The following ATG5 variants were observed in gnomAD, a reference collection of about 807,000 sequenced individuals.
ATG5 encodes autophagy protein 5.
A neutral mutation model predicts 36.5 loss-of-function variants in ATG5; 14 were observed. The ratio of observed to expected loss-of-function variants is 0.38; its 90% CI spans 0.25 to 0.60. The LOEUF (loss-of-function observed/expected upper bound fraction) is 0.60. ATG5 is among the 20% of genes least tolerant of loss of function. ATG5 has a pLI of 0.60. For missense variants in ATG5, 195 were observed against 326.7 expected (o/e 0.60, Z 3.11); for synonymous variants, 95 against 101.5 (o/e 0.94, Z 0.38).
intron 3 of ATG5, among the ~76,000 whole-genome samples, chr6:106,294,926 A>G (rs1780481466): frequency 6.6e-6 from 1 of 151,838 alleles, no homozygotes; most frequent in African/African-American, 2.4e-5. Context: ...TCTTATATGC[A>G]TTATATCTCT....
intron 5 of ATG5, among the ~76,000 whole-genome samples, chr6:106,275,987 T>C (rs564872937): frequency 2.4e-4 from 37 of 152,344 alleles, no homozygotes; most frequent in African/African-American, 8.7e-4. Context: ...CAAAAGCAGA[T>C]GGCTGGCCCA....
intron 6 of ATG5, among the ~76,000 whole-genome samples, chr6:106,213,066 T>C (rs923292713): frequency 6.6e-6 from 1 of 152,200 alleles, no homozygotes; most frequent in Admixed American, 6.5e-5. Flanking sequence ...TACTAACATA[T>C]AAGTAGCCTG....
At chr6:106,196,530 C>G (rs1170038059) in intron 7 of ATG5, among the ~76,000 whole-genome samples, 1 of 152,080 alleles carries the variant, frequency 6.6e-6, no homozygotes, top group Non-Finnish European at 1.5e-5. Context: ...TCAAGACCAG[C>G]CTGGCCAACA....
intron 6 of ATG5, among the ~76,000 whole-genome samples, chr6:106,216,295 C>T (rs910932992): frequency 6.6e-6 from 1 of 152,100 alleles, no homozygotes; most frequent in Non-Finnish European, 1.5e-5. Flanking sequence ...AACATTTGTA[C>T]ATAAATATTA....
intron 7 of ATG5, among the ~76,000 whole-genome samples, chr6:106,191,694 T>C (rs1459776162): frequency 6.6e-6 from 1 of 152,064 alleles, no homozygotes; most frequent in Non-Finnish European, 1.5e-5. Flanking sequence ...GTGACTCTTC[T>C]CCACCCCTCT....
At chr6:106,221,598 A>G (rs1335836869) in intron 6 of ATG5, among the ~76,000 whole-genome samples, 9 of 151,576 alleles carry the variant, frequency 5.9e-5, no homozygotes, top group Non-Finnish European at 7.4e-5. Context: ...AGGGAGGAGA[A>G]TCACCAGGGC....
chr6:106,303,175 C>A (rs1377588599), intron 3 of ATG5, among the ~76,000 whole-genome samples: 1 of 151,954 alleles, frequency 6.6e-6, no homozygotes, highest in African/African-American at 2.4e-5. Context: ...AACCACAACA[C>A]TGGCTCTTCA....
chr6:106,192,472 T>TA (rs1260852511), intron 7 of ATG5, among the ~76,000 whole-genome samples: 8 of 152,182 alleles, frequency 5.3e-5, no homozygotes, highest in African/African-American at 1.9e-4. Flanking sequence ...CTTGAGATTC[T>TA]AGTGAGATGC....
chr6:106,187,759 GATA>G (rs1775828611), intron 7 of ATG5, among the ~76,000 whole-genome samples: 1 of 152,154 alleles, frequency 6.6e-6, no homozygotes, highest in South Asian at 2.1e-4. Context: ...GATGTATGGT[GATA>G]ATGACTTGGC....
chr6:106,189,425 C>T (rs901656457), intron 7 of ATG5, among the ~76,000 whole-genome samples: 1 of 151,560 alleles, frequency 6.6e-6, no homozygotes, highest in African/African-American at 2.4e-5. Context: ...GGCAACAGAC[C>T]CCATCTCTAC....
In ATG5 at chr6:106,325,571, G is replaced by C. The variant is rs953366758; in HGVS notation, c.-104C>G. On this transcript the variant is annotated 5_prime_UTR_variant, in exon 1 of 8. Coordinates refer to ENST00000369076, the MANE Select transcript of ATG5 (RefSeq NM_004849.4). ...CTCCTTCCGGCTCCCCGCACTGGTG[G>C]GGACGCCCAGATTCCGCGCTCCGGT... is the stretch of plus-strand genomic sequence containing the variant. The C allele has an allele frequency of 1.3e-5, 2 of 152,988 alleles. No individual in the cohort carries two copies. Among genetic ancestry groups the C allele is most frequent in the African/African-American group, 4.8e-5 (2 of 41,438 alleles). The allele number at this position is 152,988 out of a possible 1,614,324, so 9.5% of individuals were successfully genotyped here.
chr6:106,294,845 G>GAAAAA (rs1219794619), intron 3 of ATG5, among the ~76,000 whole-genome samples: 106 of 85,966 alleles, frequency 1.2e-3, no homozygotes, highest in African/African-American at 3.3e-3. Context: ...CTTTTCTCAA[G>GAAAAA]AAAAAAAAAA....
chr6:106,218,755 T>C (rs571126069), intron 6 of ATG5, among the ~76,000 whole-genome samples: 1 of 152,284 alleles, frequency 6.6e-6, no homozygotes, highest in East Asian at 1.9e-4. Flanking sequence ...TAAACATGTA[T>C]GCAGAGTCAG....
At chr6:106,267,033 T>C (rs1178247055) in intron 5 of ATG5, among the ~76,000 whole-genome samples, 1 of 151,664 alleles carries the variant, frequency 6.6e-6, no homozygotes, top group Non-Finnish European at 1.5e-5. Flanking sequence ...ATAAAGGGTA[T>C]TCAAATAGGA....
chr6:106,218,694 G>A (rs2114418666), intron 6 of ATG5, among the ~76,000 whole-genome samples: 1 of 152,220 alleles, frequency 6.6e-6, no homozygotes, highest in Non-Finnish European at 1.5e-5. Context: ...TATGAATGCT[G>A]CAATACATAA....
intron 4 of ATG5, among the ~76,000 whole-genome samples, chr6:106,284,226 G>C (rs754485642): frequency 1.3e-5 from 2 of 152,148 alleles, no homozygotes; most frequent in African/African-American, 2.4e-5. Flanking sequence ...GTGTAATGTG[G>C]TAAGTATATC....
chr6:106,194,663 A>C (rs2284194), intron 7 of ATG5, among the ~76,000 whole-genome samples: 1 of 151,530 alleles, frequency 6.6e-6, no homozygotes, highest in Admixed American at 6.6e-5. Flanking sequence ...TCAGCCTCCC[A>C]AGTAGCTGGG....
intron 6 of ATG5, among the ~76,000 whole-genome samples, chr6:106,233,911 T>C (rs1360904845): frequency 6.6e-6 from 1 of 152,156 alleles, no homozygotes; most frequent in Non-Finnish European, 1.5e-5. Context: ...GAAATATTGA[T>C]GCCCCATCAA....
intron 5 of ATG5, among the ~76,000 whole-genome samples, chr6:106,275,868 C>T (rs1292030439): frequency 6.6e-6 from 1 of 152,192 alleles, no homozygotes; most frequent in Non-Finnish European, 1.5e-5. Flanking sequence ...ATATGTTAGG[C>T]TTGTGGGCCA....
Sources: gnomAD v4.1 joint callset for allele counts (sites outside exome capture counted in the v4.1 genomes callset) on GRCh38, gnomAD v4.1.1 for gene constraint, MANE v1.5 for transcripts, NCBI Gene and HGNC (gene_info 2026-07-23, HGNC 2026-07-21) for gene names.